The following MATN2 variants were observed in gnomAD, a reference collection of about 807,000 sequenced individuals.
MATN2 encodes matrilin 2.
A neutral mutation model predicts 103.2 loss-of-function variants in MATN2; 69 were observed. The observed-to-expected ratio is 0.67, with a 90% CI of 0.55 to 0.82. The LOEUF (loss-of-function observed/expected upper bound fraction) is 0.82, where lower values mean the gene tolerates loss of function less well. Ranked by LOEUF, MATN2 falls within the 40% of genes least tolerant of loss-of-function variation. The probability of loss-of-function intolerance (pLI) is 0.00; values close to 1 mark genes in which losing one functional copy is unlikely to be tolerated. For synonymous variants in MATN2, 429 were observed against 450.2 expected (o/e 0.95, Z 0.60); for missense variants, 1,023 against 1,211.5 (o/e 0.84, Z 2.31).
At chr8:98,024,440 G>A (rs1334554318) in intron 13 of MATN2, among the ~76,000 whole-genome samples, 2 of 152,204 alleles carry the variant, frequency 1.3e-5, no homozygotes, top group Non-Finnish European at 2.9e-5. Context: ...AGGAGGTGGA[G>A]GCAGCAGTGA....
At chr8:97,971,810 G>A (rs1811661994) in intron 5 of MATN2, among the ~76,000 whole-genome samples, 1 of 151,956 alleles carries the variant, frequency 6.6e-6, no homozygotes, top group Non-Finnish European at 1.5e-5. Flanking sequence ...ACTGACTGAG[G>A]TTGATTGCAA....
intron 12 of MATN2, among the ~76,000 whole-genome samples, chr8:98,019,979 G>C (rs1813524345): frequency 6.6e-6 from 1 of 152,154 alleles, no homozygotes; most frequent in Non-Finnish European, 1.5e-5. Flanking sequence ...AAGAAGTTCT[G>C]TGTGAATGAC....
intron 1 of MATN2, among the ~76,000 whole-genome samples, chr8:97,881,514 A>C (rs1019489456): frequency 6.6e-6 from 1 of 152,258 alleles, no homozygotes; most frequent in Non-Finnish European, 1.5e-5. Flanking sequence ...CCCATGGAGA[A>C]GAGAAAAACT....
chr8:97,974,708 G>A (rs1650764957), intron 5 of MATN2, among the ~76,000 whole-genome samples: 1 of 152,192 alleles, frequency 6.6e-6, no homozygotes, highest in Non-Finnish European at 1.5e-5. Context: ...GCCTCCCAAA[G>A]TGCTGGGATT....
chr8:98,021,180 G>T, intron 12 of MATN2, 25 bp from the exon 13 acceptor site: 1 of 1,610,458 alleles, frequency 6.2e-7, no homozygotes, highest in Non-Finnish European at 8.5e-7. Flanking sequence ...TGATGGGATT[G>T]TTCAACTCCC....
chr8:97,897,115 G>A (rs1031689461), intron 2 of MATN2, among the ~76,000 whole-genome samples: 6 of 152,230 alleles, frequency 3.9e-5, no homozygotes, highest in Admixed American at 2.6e-4. Flanking sequence ...CTCCTGGAAG[G>A]CTTGTTAGAA....
chr8:97,980,798 A>G (rs1811995718), intron 6 of MATN2, among the ~76,000 whole-genome samples: 1 of 151,550 alleles, frequency 6.6e-6, no homozygotes, highest in South Asian at 2.1e-4. Context: ...CGAATCCCTG[A>G]CCTCAAGTGA....
chr8:97,981,096 C>CCCAGCT (rs1337236438), intron 6 of MATN2, among the ~76,000 whole-genome samples: 3 of 150,746 alleles, frequency 2.0e-5, no homozygotes, highest in African/African-American at 7.3e-5. Context: ...GTGGGAAGAT[C>CCCAGCT]ACTAGTTGGG....
At chr8:97,987,958 G>A (rs1014608710) in intron 6 of MATN2, among the ~76,000 whole-genome samples, 4 of 151,282 alleles carry the variant, frequency 2.6e-5, no homozygotes, top group African/African-American at 9.7e-5. Flanking sequence ...AGAAAAAAGA[G>A]AGAAGACACA....
intron 10 of MATN2, among the ~76,000 whole-genome samples, chr8:98,011,905 G>A (rs941950707): frequency 6.6e-6 from 1 of 152,184 alleles, no homozygotes; most frequent in Non-Finnish European, 1.5e-5. Flanking sequence ...CTAAAGACCC[G>A]TGCTACATCC....
chr8:98,007,702 G>A lies in MATN2; in HGVS notation c.1573+101G>A, dbSNP rs11775531. 0.32 allele frequency: 452,824 copies of A among 1,398,442 alleles called. 79,442 individuals are homozygous for A. Among genetic ancestry groups the A allele is most frequent in the Non-Finnish European group, 0.37 (378,954 of 1,032,068 alleles). 86.6% of individuals were successfully genotyped at this position (1,398,442 alleles called of 1,614,324 possible). A position where few individuals can be genotyped will look rare whatever the true frequency, so the allele number is the denominator to read the frequency against. On this transcript the variant is annotated intron_variant, in intron 10 of 18. Transcript: ENST00000254898. This position sits in a 1 kb window ranked among gnomAD's most constrained non-coding sequence, Gnocchi z 4.2. ...TATGTGCCTGTGTGTCCTGTCTCCAGGCTTTGCTGGGCCTGCATGAATGTG... is the reference window on the plus strand; with the variant it reads ...TATGTGCCTGTGTGTCCTGTCTCCAAGCTTTGCTGGGCCTGCATGAATGTG...
chr8:97,910,319 A>G (rs552245657), intron 2 of MATN2, among the ~76,000 whole-genome samples: 3 of 152,218 alleles, frequency 2.0e-5, no homozygotes, highest in East Asian at 3.9e-4. Flanking sequence ...TGGCCTCCCA[A>G]AGTGCTGGGA....
At chr8:97,936,287 G>T (rs956267170) in intron 3 of MATN2, among the ~76,000 whole-genome samples, 1 of 152,112 alleles carries the variant, frequency 6.6e-6, no homozygotes, top group African/African-American at 2.4e-5. Flanking sequence ...TAACCTCTAG[G>T]TGCTGACTTT....
Position 98,003,644 on chromosome 8 carries a change from G to T in MATN2, c.1205-17G>T. 1.2e-6 allele frequency: 2 copies of T among 1,613,474 alleles called. No individual in the cohort carries two copies. Among genetic ancestry groups the T allele is most frequent in the Admixed American group, 1.7e-5 (1 of 60,016 alleles). On this transcript the variant is annotated splice_polypyrimidine_tract_variant and intron_variant, in intron 7 of 18. Coordinates refer to ENST00000254898, the MANE Select transcript of MATN2 (RefSeq NM_002380.5). ...AGGTCCAGAGTCTGAAGGAAGGTCT[G>T]CCCTTCTTCCCCTCAGGGATCAACT...
chr8:97,964,759 G>A (rs1366143060), intron 5 of MATN2, among the ~76,000 whole-genome samples: 3 of 151,636 alleles, frequency 2.0e-5, no homozygotes. Context: ...TTTTAGACAG[G>A]GTCTCACTCT....
At chr8:97,975,020 C>T (rs145236870) in intron 5 of MATN2, among the ~76,000 whole-genome samples, 524 of 152,256 alleles carry the variant, frequency 3.4e-3, no homozygotes, top group Non-Finnish European at 4.9e-3. Flanking sequence ...CTTTGAGAAC[C>T]AATGTTTATA....
chr8:97,911,525 G>A (rs1809436220), intron 2 of MATN2, among the ~76,000 whole-genome samples: 2 of 151,830 alleles, frequency 1.3e-5, no homozygotes, highest in South Asian at 4.2e-4. Flanking sequence ...TGGCCAACAT[G>A]GTGACGCCCC....
rs563492612 is a variant in MATN2, at chr8:97,943,124, C to T, written c.835+1225C>T. On this transcript the variant is annotated intron_variant, in intron 4 of 18. Coordinates refer to ENST00000254898, the MANE Select transcript of MATN2 (RefSeq NM_002380.5). Reference sequence around the variant, plus strand: ...ATCCATAACAAAAACTCACTCCCACCGAATACTCATGGGTTTCATAGAGTT... The same window carrying T: ...ATCCATAACAAAAACTCACTCCCACTGAATACTCATGGGTTTCATAGAGTT... Among the ~76,000 whole-genome samples, 102 of 152,204 alleles carry T rather than the reference C, an allele frequency of 6.7e-4. 1 individual carries two copies. The highest frequency in any genetic ancestry group is 2.3e-3 in the African/African-American group (95 of 41,504).
chr8:97,889,927 C>G (rs1430571351), intron 2 of MATN2, among the ~76,000 whole-genome samples: 1 of 152,180 alleles, frequency 6.6e-6, no homozygotes, highest in Non-Finnish European at 1.5e-5. Flanking sequence ...CCCACCTTCC[C>G]TGGTTGTCAG....
Sources: gnomAD v4.1 joint callset for allele counts (sites outside exome capture counted in the v4.1 genomes callset) on GRCh38, gnomAD v4.1.1 for gene constraint, Gnocchi (gnomAD v3.1) non-coding constraint, MANE v1.5 for transcripts, NCBI Gene and HGNC (gene_info 2026-07-23, HGNC 2026-07-21) for gene names.